Variants in UBR4 observed in about 807,000 individuals in gnomAD.
UBR4 encodes ubiquitin protein ligase E3 component n-recognin 4.
Under a neutral mutation model 575.6 loss-of-function variants are expected in UBR4, and 124 were observed. The ratio of observed to expected loss-of-function variants is 0.22; its 90% CI spans 0.19 to 0.25. UBR4 has a LOEUF of 0.25. Among genes scored for constraint, UBR4 ranks in the 10% least tolerant of loss-of-function variants. The probability of loss-of-function intolerance (pLI) is 1.00; values close to 1 mark genes in which losing one functional copy is unlikely to be tolerated. For missense variants in UBR4, 4,818 were observed against 6,478.8 expected, an observed-to-expected ratio of 0.74 and a Z score of 8.80; for synonymous variants, 2,455 against 2,473.7, an observed-to-expected ratio of 0.99 and a Z score of 0.22.
rs1387785311 is a variant in UBR4, at chr1:19,110,930, A to G, written c.11802-98T>C. The G allele has an allele frequency of 1.6e-6, 2 of 1,274,082 alleles. No individual in the cohort carries two copies. The highest frequency in any genetic ancestry group is 4.8e-5 in the Admixed American group (2 of 41,310). The allele number at this position is 1,274,082 out of a possible 1,614,324, so 78.9% of individuals were successfully genotyped here. ...CCAGGGAAAATGAAATCAATGTCTA[A>G]GGCTACCTGGCCCCAAATTTTCTAC... On this transcript the variant is annotated intron_variant, in intron 78 of 105. Transcript: ENST00000375254. This position sits in a 1 kb window ranked among gnomAD's most constrained non-coding sequence, Gnocchi z 4.5.
At chr1:19,143,300 AAGAAAGAAAGAAAG>A (rs1468359843) in intron 55 of UBR4, among the ~76,000 whole-genome samples, 1 of 142,750 alleles carries the variant, frequency 7.0e-6, no homozygotes, top group African/African-American at 2.6e-5. Flanking sequence ...GAAAGAAAGA[AAGAAAGAAAGAAAG>A]AAAGAAAATT....
rs1217323601 is a variant in UBR4, at chr1:19,141,542, T to C, written c.8311-18A>G. The stretch of plus-strand genomic sequence containing the variant: ...GACTCAGACTGCAGAGAGAAAGCTC[T>C]GTCAGTGTCCCATGGTAAGTGGTAA... On this transcript the variant is annotated intron_variant, in intron 56 of 105. Coordinates refer to ENST00000375254, the MANE Select transcript of UBR4 (RefSeq NM_020765.3). 1 of 1,599,602 alleles carries C rather than the reference T, an allele frequency of 6.3e-7. No individual in the cohort carries two copies. Among genetic ancestry groups the C allele is most frequent in the East Asian group, 2.2e-5 (1 of 44,796 alleles).
At chr1:19,112,084 C>T (rs1181943531) in intron 78 of UBR4, 4 of 154,826 alleles carry the variant, frequency 2.6e-5, no homozygotes, top group African/African-American at 9.6e-5. Flanking sequence ...ATGAGGAAAA[C>T]ACAGACTCAG....
chr1:19,109,360 T>TG (rs1424965222), intron 81 of UBR4, among the ~76,000 whole-genome samples: 2 of 152,240 alleles, frequency 1.3e-5, no homozygotes, highest in Non-Finnish European at 2.9e-5. Context: ...TAATAATAAT[T>TG]CACTAAGCAG....
At chr1:19,183,782 T>C (rs375445022) in intron 17 of UBR4, 29 bp downstream of exon 17, 41 of 1,608,662 alleles carry the variant, frequency 2.5e-5, no homozygotes, top group Non-Finnish European at 3.3e-5. Flanking sequence ...TCATGAGCTC[T>C]TGCCTAGATG....
Position 19,096,468 on chromosome 1 carries a change from GGGCCTCTCCCA to G in UBR4, c.13518+44_13518+54del, listed in dbSNP as rs1331979886. On this transcript the variant is annotated intron_variant, in intron 92 of 105. Coordinates refer to ENST00000375254, the MANE Select transcript of UBR4 (RefSeq NM_020765.3). ...CAGTGGCCATAGCTTCTTTCCACAG[GGGCCTCTCCCA>G]GTGCAGAAAGGCTGGCCCCCACAAC... is the stretch of plus-strand genomic sequence containing the variant. 2.5e-6 allele frequency: 4 copies of G among 1,581,532 alleles called. No homozygotes were observed. In the East Asian group the frequency reaches 9.1e-5, roughly 36 times the overall value.
chr1:19,164,164 T>C, intron 33 of UBR4, 89 bp downstream of exon 33: 1 of 1,445,846 alleles, frequency 6.9e-7, no homozygotes, highest in Non-Finnish European at 9.3e-7. Context: ...AGATTCAAAT[T>C]TCTTCTGTAC....
chr1:19,113,019 A>C, intron 77 of UBR4, 152 bp from the exon 78 acceptor site: 1 of 781,574 alleles, frequency 1.3e-6, no homozygotes, highest in East Asian at 2.9e-5. Context: ...CTTTATCTCC[A>C]TTTTACAGAG....
intron 1 of UBR4, among the ~76,000 whole-genome samples, chr1:19,204,300 C>A (rs775047301): frequency 2.6e-5 from 4 of 152,088 alleles, no homozygotes; most frequent in Admixed American, 6.6e-5. Context: ...CACGCCTGGC[C>A]CCACCCTTAT....
Position 19,162,526 on chromosome 1 carries a change from C to A in UBR4, c.4850G>T (p.Gly1617Val). ...TNALSQSNGQ[G>V]PSHLSVDGEE... ...CCCATCCACTGAGAGATGACTTGGG[C>A]CTTGACCATTACTCTGGCTCAGGGC... Residue 1617 changes from glycine to valine, a missense_variant, in exon 35 of 106, where the codon GGC (glycine) becomes GTC (valine). By Grantham distance (109) the Gly-to-Val change is moderately radical (BLOSUM62 -3). Coordinates refer to ENST00000375254, the MANE Select transcript of UBR4 (RefSeq NM_020765.3). 1 of 1,614,156 alleles carries A rather than the reference C, an allele frequency of 6.2e-7. No homozygotes were observed. The highest frequency in any genetic ancestry group is 8.5e-7 in the Non-Finnish European group (1 of 1,180,018).
intron 78 of UBR4, chr1:19,112,301 A>G (rs1053408954): frequency 1.5e-5 from 8 of 541,918 alleles, no homozygotes; most frequent in Non-Finnish European, 1.9e-5. Flanking sequence ...CTGGAACCAA[A>G]AAAGCACAAG....
Position 19,192,601 on chromosome 1 carries a change from T to A in UBR4, c.1144-61A>T, listed in dbSNP as rs75816818. On this transcript the variant is annotated intron_variant, in intron 9 of 105. Coordinates refer to ENST00000375254, the MANE Select transcript of UBR4 (RefSeq NM_020765.3). ...AGCTGACAGATTTCATCATAAATGC[T>A]AAATCCTACCCAAACAATTTAACTT... The A allele has an allele frequency of 3.3e-3, 5,165 of 1,575,590 alleles. 120 individuals carry two copies. The African/African-American group carries it at 0.044, about 14-fold the overall frequency.
chr1:19,165,169 T>C, intron 31 of UBR4, 80 bp downstream of exon 31: 1 of 1,497,154 alleles, frequency 6.7e-7, no homozygotes, highest in Non-Finnish European at 9.2e-7. Flanking sequence ...ATGCTGTAGT[T>C]AAACTCAGGC....
chr1:19,174,219 A>G (rs2089974583), intron 22 of UBR4, 100 bp downstream of exon 22: 1 of 1,458,788 alleles, frequency 6.9e-7, no homozygotes, highest in South Asian at 1.4e-5. Context: ...TTTGCAAATC[A>G]ATATTCAATA....
chr1:19,154,058 G>C, intron 44 of UBR4, 119 bp from the exon 45 acceptor site: 1 of 1,123,498 alleles, frequency 8.9e-7, no homozygotes, highest in Non-Finnish European at 1.3e-6. Context: ...CCTTGGCCAG[G>C]GACTCAGATT....
intron 8 of UBR4, among the ~76,000 whole-genome samples, chr1:19,194,442 C>T (rs1287679623): frequency 1.3e-5 from 2 of 152,104 alleles, no homozygotes; most frequent in Non-Finnish European, 2.9e-5. Context: ...GAGTTATAAT[C>T]GCTCCACTGC....
rs1232024414 is a variant in UBR4, at chr1:19,138,197, T to G, written c.8732-16A>C. On this transcript the variant is annotated splice_polypyrimidine_tract_variant and intron_variant, in intron 59 of 105. Transcript: ENST00000375254. ...CGGCCAGATACTAGAGGGAAATGGT[T>G]TAAAAAGCACAAATCAACTCCCAAA... 5 of 1,485,368 alleles carry G rather than the reference T, an allele frequency of 3.4e-6. No individual in the cohort carries two copies. The highest frequency in any genetic ancestry group is 4.5e-6 in the Non-Finnish European group (5 of 1,107,238). 92.0% of individuals were successfully genotyped at this position (1,485,368 alleles called of 1,614,324 possible).
At position 19,141,769 on chromosome 1, in the gene UBR4, C is replaced by T. The variant is rs1426309753; in HGVS notation, c.8188G>A (p.Asp2730Asn). ...PRSNTPMGDK[D>N]DDDDDDADEK... ...TCTGCATCATCATCGTCATCATCAT[C>T]CTTGTCTCCTGAGTCAAAGAAACCC... The change falls in exon 56 of 106, where the codon GAT (aspartate) becomes AAT (asparagine). Residue 2730 changes from aspartate (D) to asparagine (N), a missense_variant. By Grantham distance (23) the Asp-to-Asn change is conservative (BLOSUM62 1). Coordinates refer to ENST00000375254, the MANE Select transcript of UBR4 (RefSeq NM_020765.3). 1 of 1,614,110 alleles carries T rather than the reference C, an allele frequency of 6.2e-7. No individual in the cohort carries two copies. The highest frequency in any genetic ancestry group is 1.1e-5 in the South Asian group (1 of 91,080).
intron 103 of UBR4, 96 bp from the exon 104 acceptor site, chr1:19,078,162 T>A: frequency 7.9e-7 from 1 of 1,270,418 alleles, no homozygotes; most frequent in Non-Finnish European, 1.1e-6. Context: ...AGAGTCACAG[T>A]GGTGTATGCA....
Sources: gnomAD v4.1 joint callset for allele counts (sites outside exome capture counted in the v4.1 genomes callset) on GRCh38, gnomAD v4.1.1 for gene constraint, Gnocchi (gnomAD v3.1) non-coding constraint, MANE v1.5 for transcripts, NCBI Gene and HGNC (gene_info 2026-07-23, HGNC 2026-07-21) for gene names.